Variants in BRINP3 observed in about 807,000 individuals in gnomAD.
The protein encoded by BRINP3 is BMP/retinoic acid inducible neural specific 3.
In BRINP3, 19 loss-of-function variants were observed where a neutral mutation model predicts 71.0. The observed-to-expected ratio is 0.27, with a 90% CI of 0.19 to 0.39. BRINP3 has a LOEUF of 0.39. Ranked by LOEUF, BRINP3 falls within the 10% of genes least tolerant of loss-of-function variation. The pLI is 1.00. For synonymous variants in BRINP3, 380 were observed against 337.7 expected (o/e 1.13, Z -1.37); for missense variants, 959 against 940.8 (o/e 1.02, Z -0.25).
chr1:190,304,714 T>A (rs1664974685), intron 2 of BRINP3, among the ~76,000 whole-genome samples: 1 of 151,944 alleles, frequency 6.6e-6, no homozygotes, highest in South Asian at 2.1e-4. Flanking sequence ...TAGGATGTTT[T>A]GGATAAAACC....
intron 7 of BRINP3, among the ~76,000 whole-genome samples, chr1:190,115,485 T>G (rs1653051626): frequency 6.6e-6 from 1 of 152,164 alleles, no homozygotes; most frequent in African/African-American, 2.4e-5. Flanking sequence ...TTTCAGTCCT[T>G]GAAGATGTTT....
intron 7 of BRINP3, among the ~76,000 whole-genome samples, chr1:190,116,564 A>G (rs1653152735): frequency 6.6e-6 from 1 of 152,080 alleles, no homozygotes; most frequent in Admixed American, 6.6e-5. Context: ...ACCCTGGGGT[A>G]ACATGTCCTC....
chr1:190,310,380 C>T (rs945508838), intron 2 of BRINP3, among the ~76,000 whole-genome samples: 4 of 151,546 alleles, frequency 2.6e-5, no homozygotes, highest in Non-Finnish European at 4.4e-5. Context: ...AAGATTAATT[C>T]AAGTGCTAGT....
intron 2 of BRINP3, among the ~76,000 whole-genome samples, chr1:190,384,884 A>T (rs561783111): frequency 6.6e-6 from 1 of 152,102 alleles, no homozygotes; most frequent in South Asian, 2.1e-4. Flanking sequence ...ATTGATAAAA[A>T]TAATGAACAG....
intron 5 of BRINP3, among the ~76,000 whole-genome samples, chr1:190,233,970 G>T (rs542922283): frequency 6.6e-6 from 1 of 151,942 alleles, no homozygotes; most frequent in Non-Finnish European, 1.5e-5. Context: ...GCCACATTAG[G>T]TTATATATAA....
At chr1:190,232,530 A>G (rs1181888333) in intron 5 of BRINP3, among the ~76,000 whole-genome samples, 1 of 152,090 alleles carries the variant, frequency 6.6e-6, no homozygotes, top group African/African-American at 2.4e-5. Flanking sequence ...GTTGTAATAG[A>G]CAATTAAAAA....
At position 190,376,907 on chromosome 1, in the gene BRINP3, C is replaced by T. The variant is rs952719083; in HGVS notation, c.236+77748G>A. ...AAAGAAAGGCAGAGACAAATATCCACGCATGGTCTAGAGCAGTGCTATCCA... is the reference window on the plus strand; with the variant it reads ...AAAGAAAGGCAGAGACAAATATCCATGCATGGTCTAGAGCAGTGCTATCCA... On this transcript the variant is annotated intron_variant, in intron 2 of 7. Transcript: ENST00000367462. 1.2e-4 allele frequency among the ~76,000 whole-genome samples: 18 copies of T among 152,070 alleles called. No individual in the cohort carries two copies. The South Asian group carries it at 1.5e-3, about 12-fold the overall frequency.
chr1:190,183,126 T>C (rs540468106), intron 6 of BRINP3, among the ~76,000 whole-genome samples: 154 of 152,080 alleles, frequency 1.0e-3, no homozygotes, highest in Non-Finnish European at 2.1e-3. Flanking sequence ...TTTTTCTTTA[T>C]TTTCAAGCAT....
At chr1:190,358,786 A>G (rs907689094) in intron 2 of BRINP3, among the ~76,000 whole-genome samples, 2 of 152,166 alleles carry the variant, frequency 1.3e-5, no homozygotes, top group African/African-American at 2.4e-5. Context: ...GATAGACTGG[A>G]TTAAGAAAAT....
At chr1:190,308,226 G>A (rs1273665783) in intron 2 of BRINP3, among the ~76,000 whole-genome samples, 1 of 149,886 alleles carries the variant, frequency 6.7e-6, no homozygotes, top group African/African-American at 2.5e-5. Context: ...TATATTTAAC[G>A]GCAACCTAAA....
chr1:190,127,067 T>C (rs1046857795), intron 7 of BRINP3, among the ~76,000 whole-genome samples: 1 of 151,920 alleles, frequency 6.6e-6, no homozygotes, highest in Non-Finnish European at 1.5e-5. Flanking sequence ...TGTCTCACCA[T>C]TGTACACAAT....
intron 3 of BRINP3, among the ~76,000 whole-genome samples, chr1:190,267,363 T>C (rs1343678909): frequency 1.3e-5 from 2 of 152,072 alleles, no homozygotes; most frequent in East Asian, 1.9e-4. Context: ...TACTATTACA[T>C]GTGAAAATTC....
At chr1:190,174,104 A>G (rs1432321022) in intron 6 of BRINP3, among the ~76,000 whole-genome samples, 1 of 152,198 alleles carries the variant, frequency 6.6e-6, no homozygotes, top group African/African-American at 2.4e-5. Flanking sequence ...AAGAATAACA[A>G]AATAATCACT....
At chr1:190,281,995 C>CA (rs1251666847) in intron 2 of BRINP3, among the ~76,000 whole-genome samples, 1 of 150,594 alleles carries the variant, frequency 6.6e-6, no homozygotes, top group Non-Finnish European at 1.5e-5. Context: ...TTTTTTTCCC[C>CA]AAGAAAATAT....
chr1:190,225,646 T>C (rs1055467021), intron 6 of BRINP3, among the ~76,000 whole-genome samples: 1 of 152,026 alleles, frequency 6.6e-6, no homozygotes, highest in Non-Finnish European at 1.5e-5. Context: ...AATTAAAATT[T>C]AGATAACTTC....
At chr1:190,198,843 C>A (rs548669448) in intron 6 of BRINP3, among the ~76,000 whole-genome samples, 14 of 152,324 alleles carry the variant, frequency 9.2e-5, no homozygotes, top group African/African-American at 3.4e-4. Context: ...ACTCTTCCAA[C>A]TTCTCCCTGT....
At chr1:190,240,987 C>T (rs953196763) in intron 4 of BRINP3, among the ~76,000 whole-genome samples, 2 of 150,586 alleles carry the variant, frequency 1.3e-5, no homozygotes, top group East Asian at 1.9e-4. Flanking sequence ...TTATTATGCC[C>T]ATCATAAAAT....
At chr1:190,146,750 A>G (rs1655923959) in intron 7 of BRINP3, among the ~76,000 whole-genome samples, 1 of 152,076 alleles carries the variant, frequency 6.6e-6, no homozygotes, top group Admixed American at 6.6e-5. Context: ...TGGCAATCCT[A>G]GTCTACTATC....
intron 2 of BRINP3, among the ~76,000 whole-genome samples, chr1:190,298,797 C>A (rs567716930): frequency 1.3e-5 from 2 of 151,446 alleles, no homozygotes; most frequent in East Asian, 1.9e-4. Context: ...TTAAAGAGTT[C>A]TATATATATA....
Sources: allele counts gnomAD v4.1 joint callset (sites outside exome capture counted in the v4.1 genomes callset), GRCh38; gene constraint gnomAD v4.1.1; transcripts MANE v1.5; gene names NCBI Gene and HGNC (gene_info 2026-07-23, HGNC 2026-07-21).